SS18L2: variants seen among roughly 807,000 people sequenced by gnomAD.
SS18L2 encodes the protein SS18-like protein 2.
A neutral mutation model predicts 10.3 loss-of-function variants in SS18L2; 8 were observed. The ratio of observed to expected loss-of-function variants is 0.78; its 90% CI spans 0.46 to 1.41. The LOEUF (loss-of-function observed/expected upper bound fraction) is 1.41, where lower values mean the gene tolerates loss of function less well. Among genes scored for constraint, SS18L2 ranks in the 40% most tolerant of loss-of-function variants. SS18L2 has a pLI of 0.00. For missense variants in SS18L2, 100 were observed against 96.2 expected (o/e 1.04, Z -0.17); for synonymous variants, 41 against 34.6 (o/e 1.19, Z -0.65).
upstream of SS18L2, among the ~76,000 whole-genome samples, chr3:42,586,746 T>A (rs900950189): frequency 6.6e-6 from 1 of 152,220 alleles, no homozygotes; most frequent in Non-Finnish European, 1.5e-5. Flanking sequence ...ATAGTTCCAG[T>A]CAGTTTCTAC....
At chr3:42,584,949 A>T (rs558330429) in intron 1 of SS18L2, among the ~76,000 whole-genome samples, 2 of 152,148 alleles carry the variant, frequency 1.3e-5, no homozygotes, top group South Asian at 4.1e-4. Context: ...CAACATGGCA[A>T]AACCCCGTCT....
upstream of SS18L2, among the ~76,000 whole-genome samples, chr3:42,589,371 G>T (rs1001925220): frequency 2.6e-5 from 4 of 152,212 alleles, no homozygotes; most frequent in African/African-American, 9.6e-5. Context: ...GCTTGCTCAG[G>T]ATCAGGGCCA....
At chr3:42,591,780 G>T (rs74711157) in intron 2 of SS18L2, among the ~76,000 whole-genome samples, 179 bp downstream of exon 2, 1,899 of 152,276 alleles carry the variant, frequency 0.012, 51 homozygotes, top group African/African-American at 0.042. Flanking sequence ...CGAGTACACT[G>T]CGGAGCCTGG....
intron 1 of SS18L2, among the ~76,000 whole-genome samples, chr3:42,583,048 G>A (rs925890880): frequency 6.6e-6 from 1 of 152,230 alleles, no homozygotes; most frequent in African/African-American, 2.4e-5. Context: ...TCAGAGTTTA[G>A]AGAATAAAGG....
rs983376380 is a variant in SS18L2 at position 42,596,084 on chromosome 3, C to T, written c.*1575C>T. On this transcript the variant is annotated 3_prime_UTR_variant, in exon 3 of 3. Coordinates refer to ENST00000011691, the MANE Select transcript of SS18L2 (RefSeq NM_001370300.1). ...CTCGCTCTGTCGGAGTGCAGTGGTG[C>T]AATTTTGGCTCACTGCAACCTCTAC... Among the ~76,000 whole-genome samples, 1 of 151,456 alleles carries T rather than the reference C, an allele frequency of 6.6e-6. No homozygotes were observed. Among genetic ancestry groups the T allele is most frequent in the East Asian group, 1.9e-4 (1 of 5,166 alleles).
upstream of SS18L2, chr3:42,587,262 A>G (rs1704643324): frequency 6.6e-6 from 1 of 152,214 alleles, no homozygotes. Context: ...AGAGTACAGA[A>G]TCTGGACACC....
chr3:42,589,370 G>T (rs1372017178), upstream of SS18L2, among the ~76,000 whole-genome samples: 1 of 152,204 alleles, frequency 6.6e-6, no homozygotes, highest in African/African-American at 2.4e-5. Flanking sequence ...AGCTTGCTCA[G>T]GATCAGGGCC....
intron 1 of SS18L2, among the ~76,000 whole-genome samples, chr3:42,584,776 A>T (rs928136320): frequency 1.3e-5 from 2 of 152,202 alleles, no homozygotes; most frequent in Non-Finnish European, 1.5e-5. Context: ...AAAGAAGGAG[A>T]AAAACCAGGA....
At position 42,591,602 on chromosome 3, in the gene SS18L2, G is replaced by GT. The variant is rs779293538; in HGVS notation, c.146+2dup. ...AGGGCCGCGGGAACGAGTGCGTGCAGTAAGTACCCCCACCCCCGCGCCCCT... is the reference window on the plus strand; with the variant it reads ...AGGGCCGCGGGAACGAGTGCGTGCAGTTAAGTACCCCCACCCCCGCGCCCCT... On this transcript the variant is annotated splice_donor_variant, in intron 2 of 2. Transcript: ENST00000011691. LOFTEE classifies it high-confidence loss of function. 1.9e-6 allele frequency: 3 copies of GT among 1,610,108 alleles called. No individual in the cohort carries two copies. The highest frequency in any genetic ancestry group is 2.7e-5 in the African/African-American group (2 of 74,854).
At position 42,596,102 on chromosome 3, in the gene SS18L2, A is replaced by G. The variant is rs759775592; in HGVS notation, c.*1593A>G. Among the ~76,000 whole-genome samples the G allele has an allele frequency of 6.6e-6, 1 of 151,594 alleles. No homozygotes were observed. Among genetic ancestry groups the G allele is most frequent in the Non-Finnish European group, 1.5e-5 (1 of 67,880 alleles). On this transcript the variant is annotated 3_prime_UTR_variant, in exon 3 of 3. Transcript: ENST00000011691. ...AGTGGTGCAATTTTGGCTCACTGCAACCTCTACCTCCTGGGTTCAAGTGAT... is the reference window on the plus strand; with the variant it reads ...AGTGGTGCAATTTTGGCTCACTGCAGCCTCTACCTCCTGGGTTCAAGTGAT...
At chr3:42,591,654 G>C in intron 2 of SS18L2, 53 bp downstream of exon 2, 1 of 1,194,802 alleles carries the variant, frequency 8.4e-7, no homozygotes, top group Non-Finnish European at 1.3e-6. Flanking sequence ...GGAAGCCTGT[G>C]TGATGCGGTG....
chr3:42,589,644 G>A (rs760390875), upstream of SS18L2, among the ~76,000 whole-genome samples: 1 of 152,214 alleles, frequency 6.6e-6, no homozygotes, highest in Non-Finnish European at 1.5e-5. Context: ...TCTCACAGGA[G>A]CGTGAACCCT....
rs1704802686 is a variant in SS18L2, at chr3:42,590,924, G to A, written c.27G>A (p.Trp9Ter). 1.2e-6 allele frequency: 2 copies of A among 1,613,294 alleles called. No individual in the cohort carries two copies. The highest frequency in any genetic ancestry group is 2.2e-5 in the East Asian group (1 of 44,772). Residue 9 changes from tryptophan (W) to a stop codon, truncating the protein, a stop_gained, in exon 1 of 3, where the codon TGG becomes TGA. Transcript: ENST00000011691. LOFTEE classifies it high-confidence loss of function. ...TGTCGGTGGCCTTCGTACCGGACTG[G>A]CTGAGGGGCAAGGCGGAAGTCAATC... MSVAFVPD[W>*]LRGKAEVNQE...
chr3:42,596,052 A>T lies in SS18L2; in HGVS notation c.*1543A>T. Among the ~76,000 whole-genome samples the T allele has an allele frequency of 6.7e-6, 1 of 149,036 alleles. No homozygotes were observed. Among genetic ancestry groups the T allele is most frequent in the African/African-American group, 2.5e-5 (1 of 40,306 alleles). ...GTTTTTGTTTTTGTTTTTTTTTGAG[A>T]CGGAATCTCGCTCTGTCGGAGTGCA... On this transcript the variant is annotated 3_prime_UTR_variant, in exon 3 of 3. Coordinates refer to ENST00000011691, the MANE Select transcript of SS18L2 (RefSeq NM_001370300.1).
At chr3:42,587,079 C>T (rs1457651506), upstream of SS18L2, among the ~76,000 whole-genome samples, 1 of 152,202 alleles carries the variant, frequency 6.6e-6, no homozygotes, top group Non-Finnish European at 1.5e-5. Context: ...TTTCTCATTG[C>T]TCCCACTATC....
chr3:42,591,447 C>T lies in SS18L2; in HGVS notation c.70-78C>T, dbSNP rs1389158902. ...TGACCTCGTGATCCGCCTAGATCGG[C>T]CTCCCAAAGGGCCGGGGTTACAGGC... On this transcript the variant is annotated intron_variant, in intron 1 of 2. Coordinates refer to ENST00000011691, the MANE Select transcript of SS18L2 (RefSeq NM_001370300.1). 2.9e-6 allele frequency: 3 copies of T among 1,038,732 alleles called. No individual in the cohort carries two copies. The Admixed American group carries it at 5.1e-5, about 18-fold the overall frequency. 64.3% of individuals were successfully genotyped at this position (1,038,732 alleles called of 1,614,324 possible). A position where few individuals can be genotyped will look rare whatever the true frequency, so the allele number is the denominator to read the frequency against.
upstream of SS18L2, among the ~76,000 whole-genome samples, chr3:42,588,948 C>A (rs77883473): frequency 1.3e-5 from 2 of 152,024 alleles, no homozygotes; most frequent in Admixed American, 6.6e-5. Flanking sequence ...ACTTCTCTCA[C>A]CGGGTTTACC....
At chr3:42,590,767 G>C, upstream of SS18L2, 1 of 935,362 alleles carries the variant, frequency 1.1e-6, no homozygotes, top group East Asian at 2.4e-5. Flanking sequence ...GCTCTTGCGC[G>C]TCCAGTCACA....
rs1705024844 is a variant in SS18L2, at chr3:42,596,208, G to C, written c.*1699G>C. On this transcript the variant is annotated 3_prime_UTR_variant, in exon 3 of 3. Coordinates refer to ENST00000011691, the MANE Select transcript of SS18L2 (RefSeq NM_001370300.1). ...GGCTAATTTTGGTATTTTTAGTAGAGACGGGGTTTCTCCATGTTGGTCAGG... is the reference window on the plus strand; with the variant it reads ...GGCTAATTTTGGTATTTTTAGTAGACACGGGGTTTCTCCATGTTGGTCAGG... Among the ~76,000 whole-genome samples the C allele has an allele frequency of 6.6e-6, 1 of 152,120 alleles. No individual in the cohort carries two copies. The highest frequency in any genetic ancestry group is 6.5e-5 in the Admixed American group (1 of 15,274).
Sources: allele counts gnomAD v4.1 joint callset (sites outside exome capture counted in the v4.1 genomes callset), GRCh38; gene constraint gnomAD v4.1.1; transcripts MANE v1.5; gene names NCBI Gene and HGNC (gene_info 2026-07-23, HGNC 2026-07-21).